Variants in C16orf46 observed in about 807,000 individuals in gnomAD.
C16orf46 encodes uncharacterized protein C16orf46.
A neutral mutation model predicts 5.5 loss-of-function variants in C16orf46; 7 were observed. The observed-to-expected ratio is 1.28, with a 90% CI of 0.73 to 2.40. The LOEUF (loss-of-function observed/expected upper bound fraction) is 2.40. Ranked by LOEUF, C16orf46 falls within the 30% of genes most tolerant of loss-of-function variation. The pLI, the probability that C16orf46 is intolerant of heterozygous loss-of-function variation, is 0.00. For missense variants in C16orf46, 614 were observed against 476.0 expected (o/e 1.29, Z -2.70); for synonymous variants, 200 against 184.1 (o/e 1.09, Z -0.70).
At chr16:81,059,850 A>G (rs959918738), downstream of C16orf46, among the ~76,000 whole-genome samples, 12 of 150,610 alleles carry the variant, frequency 8.0e-5, no homozygotes, top group Non-Finnish European at 1.5e-4. Context: ...GAGCAGTGGC[A>G]CGATCTCCGC....
chr16:81,065,175 T>C (rs943653990), intron 2 of C16orf46, among the ~76,000 whole-genome samples: 16 of 152,090 alleles, frequency 1.1e-4, no homozygotes, highest in Non-Finnish European at 2.2e-4. Context: ...TGCTCATCTA[T>C]AAAAAGGGCT....
At chr16:81,062,916 A>G (rs1251754660) in intron 3 of C16orf46, among the ~76,000 whole-genome samples, 1 of 146,418 alleles carries the variant, frequency 6.8e-6, no homozygotes, top group African/African-American at 2.5e-5. Context: ...AGTTTTAAAT[A>G]TAGGATTCTA....
rs1971481373 is a variant in C16orf46 at position 81,061,657 on chromosome 16, TTC to T, written c.690_691del (p.Asn231LeufsTer32). On this transcript the variant is annotated frameshift_variant, in exon 4 of 4. Transcript: ENST00000299578. LOFTEE classifies it low-confidence loss of function (END_TRUNC). ...CTTCTCTTCTGACTGCAAGAAAGAG[TTC>T]TTACTCTTCTTACCCAGAACATCCA... 6.2e-7 allele frequency: 1 copy of T among 1,614,074 alleles called. No homozygotes were observed. Among genetic ancestry groups the T allele is most frequent in the East Asian group, 2.2e-5 (1 of 44,868 alleles).
intron 3 of C16orf46, among the ~76,000 whole-genome samples, chr16:81,063,308 C>T (rs1208429044): frequency 6.6e-6 from 1 of 150,760 alleles, no homozygotes; most frequent in Non-Finnish European, 1.5e-5. Flanking sequence ...AAAGAAGCCT[C>T]AGTTCTCTCA....
At chr16:81,067,686 G>C (rs1971694896) in intron 1 of C16orf46, among the ~76,000 whole-genome samples, 3 of 152,080 alleles carry the variant, frequency 2.0e-5, no homozygotes, top group African/African-American at 7.2e-5. Context: ...CCGAGTAGCT[G>C]GGATTACAGG....
At position 81,063,801 on chromosome 16, in the gene C16orf46, A is replaced by G; in HGVS notation, c.155T>C (p.Leu52Pro). The change falls in exon 3 of 4, where the codon CTT (leucine) becomes CCT (proline). Residue 52 changes from leucine (L) to proline (P), a missense_variant. Leu to Pro is a moderately conservative substitution (Grantham distance 98, BLOSUM62 -3). Coordinates refer to ENST00000299578, the MANE Select transcript of C16orf46 (RefSeq NM_152337.3). Reference protein sequence around the residue: ...YCLLDVSDITLEQDEKAKEFI... With the variant: ...YCLLDVSDITPEQDEKAKEFI... ...CTCTTTGGCTTTTTCATCTTGTTCA[A>G]GCGTAATGTCACTGACATCGAGAAG... 2.5e-6 allele frequency: 4 copies of G among 1,614,098 alleles called. No individual in the cohort carries two copies. The highest frequency in any genetic ancestry group is 3.4e-6 in the Non-Finnish European group (4 of 1,180,022).
At chr16:81,056,021 T>TGTTTCATTTTAAAA (rs1196789694), downstream of C16orf46, 5 of 152,194 alleles carry the variant, frequency 3.3e-5, no homozygotes, top group African/African-American at 1.2e-4. Context: ...CCCAGCCAAC[T>TGTTTCATTTTAAAA]GTTTCATTTT....
At chr16:81,071,841 C>T (rs1186927581) in intron 1 of C16orf46, among the ~76,000 whole-genome samples, 1 of 152,126 alleles carries the variant, frequency 6.6e-6, no homozygotes, top group East Asian at 1.9e-4. Flanking sequence ...AGGTGAGGAA[C>T]GTTCCGGGAT....
At chr16:81,058,795 C>G (rs562862059), downstream of C16orf46, among the ~76,000 whole-genome samples, 8 of 152,260 alleles carry the variant, frequency 5.3e-5, no homozygotes, top group South Asian at 1.5e-3. Flanking sequence ...TTGTTCCTAT[C>G]TTAAAGGAAG....
chr16:81,058,251 G>C (rs1971362133), downstream of C16orf46, among the ~76,000 whole-genome samples: 1 of 152,146 alleles, frequency 6.6e-6, no homozygotes, highest in South Asian at 2.1e-4. Context: ...ATGGTTCTCA[G>C]CTCTTAGGAA....
chr16:81,068,984 G>A (rs804900), intron 1 of C16orf46, among the ~76,000 whole-genome samples: 145,703 of 152,240 alleles, frequency 0.96, 70,028 homozygotes, highest in Middle Eastern at 1. Context: ...GATTATAAAC[G>A]TAAGCCACCG....
intron 2 of C16orf46, among the ~76,000 whole-genome samples, chr16:81,065,817 ATTTTGTTTTGTTTTGTTTTG>A (rs67787866): frequency 1.1e-4 from 16 of 149,658 alleles, no homozygotes; most frequent in Non-Finnish European, 1.8e-4. Context: ...TAGTTTTTTT[ATTTTGTTTTGTTTTGTTTTG>A]TTTTGTTTTG....
chr16:81,060,077 G>A (rs1224211860), downstream of C16orf46, among the ~76,000 whole-genome samples: 1 of 151,658 alleles, frequency 6.6e-6, no homozygotes, highest in South Asian at 2.1e-4. Context: ...TGTGAGCCAC[G>A]GCGCCCGGCC....
intron 2 of C16orf46, among the ~76,000 whole-genome samples, chr16:81,065,473 C>CAA (rs11303086): frequency 4.8e-4 from 31 of 65,194 alleles, no homozygotes; most frequent in East Asian, 9.3e-4. Flanking sequence ...GAATCCGTCT[C>CAA]AAAAAAAAAA....
In C16orf46 at chr16:81,061,024, G is replaced by C; in HGVS notation, c.*137C>G. The C allele has an allele frequency of 1.4e-6, 2 of 1,385,568 alleles. No homozygotes were observed. Among genetic ancestry groups the C allele is most frequent in the Non-Finnish European group, 1.9e-6 (2 of 1,071,254 alleles). 85.8% of individuals were successfully genotyped at this position (1,385,568 alleles called of 1,614,324 possible). Reference sequence around the variant, plus strand: ...GTTGTACTACAAAAAAAAAATGGAGGAAAAGAAGAGTAAAGACAGACTGAC... The same window carrying C: ...GTTGTACTACAAAAAAAAAATGGAGCAAAAGAAGAGTAAAGACAGACTGAC... On this transcript the variant is annotated 3_prime_UTR_variant, in exon 4 of 4. Transcript: ENST00000299578.
Position 81,070,666 on chromosome 16 carries a change from G to T in C16orf46, c.-127-4385C>A, listed in dbSNP as rs570075248. Among the ~76,000 whole-genome samples the T allele has an allele frequency of 2.2e-4, 34 of 152,114 alleles. No individual in the cohort carries two copies. In the South Asian group the frequency reaches 6.9e-3, roughly 31 times the overall value. On this transcript the variant is annotated intron_variant, in intron 1 of 3. Coordinates refer to ENST00000299578, the MANE Select transcript of C16orf46 (RefSeq NM_152337.3). ...TAAAACTGGGCAGCTTTTATTTGGG[G>T]GTTTCCTGTTTTTTATTTTCACTTA...
intron 1 of C16orf46, among the ~76,000 whole-genome samples, chr16:81,072,547 G>A (rs1050632304): frequency 1.2e-4 from 18 of 151,928 alleles, no homozygotes; most frequent in Admixed American, 7.9e-4. Flanking sequence ...ATCATGCCAG[G>A]CTAATTTTGT....
At chr16:81,069,501 A>G (rs1971772248) in intron 1 of C16orf46, among the ~76,000 whole-genome samples, 1 of 152,204 alleles carries the variant, frequency 6.6e-6, no homozygotes, top group South Asian at 2.1e-4. Flanking sequence ...ATTTGACTTC[A>G]GTTCACATGT....
At chr16:81,072,087 G>A (rs1317229300) in intron 1 of C16orf46, 1 of 152,374 alleles carries the variant, frequency 6.6e-6, no homozygotes, top group South Asian at 2.1e-4. Flanking sequence ...CCACAGAATG[G>A]AAGAAGCCTA....
Sources: allele counts gnomAD v4.1 joint callset (sites outside exome capture counted in the v4.1 genomes callset), GRCh38; gene constraint gnomAD v4.1.1; transcripts MANE v1.5; gene names NCBI Gene and HGNC (gene_info 2026-07-23, HGNC 2026-07-21).